The following ADCK2 variants were observed in gnomAD, a reference collection of about 807,000 sequenced individuals.
ADCK2 encodes the protein uncharacterized aarF domain-containing protein kinase 2.
A neutral mutation model predicts 52.3 loss-of-function variants in ADCK2; 37 were observed. That is an observed-to-expected ratio of 0.71 (90% CI 0.54 to 0.93). The LOEUF is 0.93. ADCK2 is among the 40% of genes least tolerant of loss of function. The pLI, the probability that ADCK2 is intolerant of heterozygous loss-of-function variation, is 0.00. For synonymous variants in ADCK2, 321 were observed against 349.2 expected (o/e 0.92, Z 0.90); for missense variants, 695 against 798.7 (o/e 0.87, Z 1.56).
chr7:140,694,097 G>A (rs1394050035), intron 7 of ADCK2, among the ~76,000 whole-genome samples: 1 of 152,130 alleles, frequency 6.6e-6, no homozygotes, highest in Non-Finnish European at 1.5e-5. Context: ...AAGGTGGGAG[G>A]ATTGCTTGGG....
At chr7:140,676,542 T>C (rs1289993362) in intron 2 of ADCK2, among the ~76,000 whole-genome samples, 1 of 152,198 alleles carries the variant, frequency 6.6e-6, no homozygotes, top group Non-Finnish European at 1.5e-5. Flanking sequence ...TGTGGTTCCA[T>C]CACTTCAAAC....
intron 4 of ADCK2, 143 bp from the exon 5 acceptor site, chr7:140,686,847 A>G (rs1794611697): frequency 9.4e-7 from 1 of 1,064,724 alleles, no homozygotes; most frequent in East Asian, 2.4e-5. Context: ...TGACATCTAA[A>G]CAAGAAGGGT....
intron 7 of ADCK2, among the ~76,000 whole-genome samples, chr7:140,691,979 G>A (rs550407570): frequency 1.2e-4 from 19 of 152,220 alleles, no homozygotes; most frequent in Non-Finnish European, 2.5e-4. Context: ...GATGGAAGAG[G>A]AGACAGAGGG....
chr7:140,673,091 A>T lies in ADCK2; in HGVS notation c.-240A>T, dbSNP rs1801657164. 1 of 253,572 alleles carries T rather than the reference A, an allele frequency of 3.9e-6. No homozygotes were observed. The highest frequency in any genetic ancestry group is 7.3e-6 in the Non-Finnish European group (1 of 136,208). 15.7% of individuals were successfully genotyped at this position (253,572 alleles called of 1,614,324 possible). A position where few individuals can be genotyped will look rare whatever the true frequency, so the allele number is the denominator to read the frequency against. ...TGGGTCCTGGCTCCTCCCGTTCCGC[A>T]GTTGGTGCCGTCTGACAGCCCCTTC... On this transcript the variant is annotated 5_prime_UTR_variant, in exon 1 of 8. Coordinates refer to ENST00000072869, the MANE Select transcript of ADCK2 (RefSeq NM_052853.4). This position sits in a 1 kb window ranked among gnomAD's most constrained non-coding sequence, Gnocchi z 6.4.
rs773237876 is a variant in ADCK2, at chr7:140,673,866, G to A, written c.536G>A (p.Trp179Ter). The change falls in exon 1 of 8, where the codon TGG becomes TAG. Residue 179 changes from tryptophan (W) to a stop codon, truncating the protein, a stop_gained. Transcript: ENST00000072869. LOFTEE classifies it high-confidence loss of function. This position sits in a 1 kb window ranked among gnomAD's most constrained non-coding sequence, Gnocchi z 6.4. Reference sequence around the variant, plus strand: ...CATGTCCGAGTGACGCCCCACCCGTGGACTCACACTGAGCGCTTCCTTCGG... The same window carrying A: ...CATGTCCGAGTGACGCCCCACCCGTAGACTCACACTGAGCGCTTCCTTCGG... ...KLHVRVTPHPWTHTERFLRQA... is the reference protein window; with the variant it reads ...KLHVRVTPHP The A allele has an allele frequency of 6.2e-7, 1 of 1,614,036 alleles. No homozygotes were observed. Among genetic ancestry groups the A allele is most frequent in the South Asian group, 1.1e-5 (1 of 91,090 alleles).
At position 140,688,431 on chromosome 7, in the gene ADCK2, T is replaced by C. The variant is rs1259120408; in HGVS notation, c.1558-1166T>C. 2.0e-5 allele frequency among the ~76,000 whole-genome samples: 3 copies of C among 151,824 alleles called. No homozygotes were observed. In the East Asian group the frequency reaches 5.8e-4, roughly 29 times the overall value. On this transcript the variant is annotated intron_variant, in intron 5 of 7. Coordinates refer to ENST00000072869, the MANE Select transcript of ADCK2 (RefSeq NM_052853.4). ...CACTTGCCAGTGTGCCAGAAACGAG[T>C]GGAGGGAGGCAGGAGGACAGGAGGC...
Position 140,674,300 on chromosome 7 carries a change from T to C in ADCK2, c.933+37T>C, listed in dbSNP as rs375058135. On this transcript the variant is annotated intron_variant, in intron 1 of 7. Coordinates refer to ENST00000072869, the MANE Select transcript of ADCK2 (RefSeq NM_052853.4). This position sits in a 1 kb window ranked among gnomAD's most constrained non-coding sequence, Gnocchi z 4.6. ...GAGAGCTCACAGCTCACCTACCCAC[T>C]GAGCTATCCCAGATCAGAAACAACC... 1.9e-6 allele frequency: 3 copies of C among 1,563,522 alleles called. No homozygotes were observed. The African/African-American group carries it at 4.1e-5, about 21-fold the overall frequency.
chr7:140,689,498 A>G, intron 5 of ADCK2, 99 bp from the exon 6 acceptor site: 1 of 1,419,216 alleles, frequency 7.0e-7, no homozygotes. Context: ...GATGCCAGAA[A>G]AGTCAGGGTG....
At chr7:140,691,766 C>A (rs1249540712) in intron 7 of ADCK2, among the ~76,000 whole-genome samples, 1 of 152,248 alleles carries the variant, frequency 6.6e-6, no homozygotes, top group African/African-American at 2.4e-5. Context: ...CTATTAGTAA[C>A]CAATTTATCC....
In ADCK2 at chr7:140,687,094, G is replaced by A. The variant is rs141388536; in HGVS notation, c.1410G>A (p.Ala470=). The A allele has an allele frequency of 1.2e-6, 2 of 1,613,922 alleles. No homozygotes were observed. Among genetic ancestry groups the A allele is most frequent in the Non-Finnish European group, 1.7e-6 (2 of 1,180,044 alleles). The change falls in exon 5 of 8, where the codon GCG becomes GCA. Residue 470 remains alanine (A), a synonymous_variant. Coordinates refer to ENST00000072869, the MANE Select transcript of ADCK2 (RefSeq NM_052853.4). The part of the protein sequence containing the change: ...SSSQEAQLQQ[A]DICDTLVVAV... ...GTCAGGAGGCGCAGCTGCAGCAGGC[G>A]GACATCTGTGACACTCTGGTGGTGG...
At chr7:140,677,189 C>G (rs1003877732) in intron 2 of ADCK2, among the ~76,000 whole-genome samples, 3 of 152,138 alleles carry the variant, frequency 2.0e-5, no homozygotes, top group African/African-American at 7.2e-5. Context: ...AGGTGGATCA[C>G]TTGAGGTCAG....
rs1794463530 is a variant in ADCK2, at chr7:140,678,624, A to G, written c.1081-531A>G. ...GGAGAGACAGGTCAGCAGCGGCACC[A>G]GCCCTGGATGCCCACAGAGGTTGAT... On this transcript the variant is annotated intron_variant, in intron 2 of 7. Coordinates refer to ENST00000072869, the MANE Select transcript of ADCK2 (RefSeq NM_052853.4). The surrounding 1 kb of genome is among the most constrained non-coding windows in gnomAD (Gnocchi z 4.9). Among the ~76,000 whole-genome samples the G allele has an allele frequency of 6.6e-6, 1 of 152,200 alleles. No individual in the cohort carries two copies. The highest frequency in any genetic ancestry group is 2.4e-5 in the African/African-American group (1 of 41,440).
In ADCK2 at chr7:140,678,994, A is replaced by C. The variant is rs577288216; in HGVS notation, c.1081-161A>C. Among the ~76,000 whole-genome samples, 145 of 152,312 alleles carry C rather than the reference A, an allele frequency of 9.5e-4. 1 individual carries two copies. Among genetic ancestry groups the C allele is most frequent in the African/African-American group, 3.2e-3 (133 of 41,570 alleles). ...ATCTGGGATTGCTGGGGCAGGCTGT[A>C]GCCCACGGATGTCGCCTCCTGAGTT... On this transcript the variant is annotated intron_variant, in intron 2 of 7. Coordinates refer to ENST00000072869, the MANE Select transcript of ADCK2 (RefSeq NM_052853.4). The surrounding 1 kb of genome is among the most constrained non-coding windows in gnomAD (Gnocchi z 4.9).
chr7:140,684,046 G>A (rs1254469415), intron 4 of ADCK2, among the ~76,000 whole-genome samples: 1 of 152,182 alleles, frequency 6.6e-6, no homozygotes, highest in Non-Finnish European at 1.5e-5. Flanking sequence ...GGACTAGAAA[G>A]AGCTACTTGG....
chr7:140,694,779 C>T lies in ADCK2; in HGVS notation c.1857C>T (p.Leu619=), dbSNP rs370459952. 1.5e-4 allele frequency: 236 copies of T among 1,613,604 alleles called. No individual in the cohort carries two copies. The highest frequency in any genetic ancestry group is 1.9e-4 in the Non-Finnish European group (229 of 1,179,820). The change falls in exon 8 of 8, where the codon CTC becomes CTT. Residue 619 remains leucine (L), a synonymous_variant. Transcript: ENST00000072869. ...TGGAGGCAGCGAGGCCCTTCCTCCT[C>T]ACGGGCCCAGTGTGCCCCCCGTGAT... ...DILEAARPFL[L]TGPVCPP
In ADCK2 at chr7:140,694,687, T is replaced by G. The variant is rs749867364; in HGVS notation, c.1765T>G (p.Ser589Ala). 11 of 1,613,934 alleles carry G rather than the reference T, an allele frequency of 6.8e-6. No homozygotes were observed. In the African/African-American group the frequency reaches 1.5e-4, roughly 22 times the overall value. Residue 589 changes from serine to alanine, a missense_variant, in exon 8 of 8, where the codon TCC (serine) becomes GCC (alanine). Ser to Ala is a moderately conservative substitution (Grantham distance 99). Coordinates refer to ENST00000072869, the MANE Select transcript of ADCK2 (RefSeq NM_052853.4). ...HKVKLESNFA[S>A]IVFAIMVLEG... ...GGTAAAGCTTGAGAGCAACTTTGCC[T>G]CCATTGTGTTTGCCATCATGGTGTT...
intron 4 of ADCK2, among the ~76,000 whole-genome samples, chr7:140,683,991 A>G (rs1444030442): frequency 4.6e-5 from 7 of 152,068 alleles, no homozygotes; most frequent in Admixed American, 4.6e-4. Flanking sequence ...GGGCCATGGG[A>G]GAGGAGGTTT....
rs545494807 is a variant in ADCK2, at chr7:140,689,401, G to A, written c.1558-196G>A. Among the ~76,000 whole-genome samples the A allele has an allele frequency of 6.6e-5, 10 of 152,278 alleles. No individual in the cohort carries two copies. In the South Asian group the frequency reaches 1.9e-3, roughly 28 times the overall value. On this transcript the variant is annotated intron_variant, in intron 5 of 7. Coordinates refer to ENST00000072869, the MANE Select transcript of ADCK2 (RefSeq NM_052853.4). The stretch of plus-strand genomic sequence containing the variant: ...CTGGGCCAAGGTTAAGCACTGAGGC[G>A]CAGTGCAGCGGGGGTGGGGGCATTC...
intron 3 of ADCK2, 28 bp downstream of exon 3, chr7:140,679,311 AC>A: frequency 6.2e-7 from 1 of 1,611,866 alleles, no homozygotes; most frequent in Non-Finnish European, 8.5e-7. Flanking sequence ...GCCTGGCCAT[AC>A]CTTTCACTTG....
Sources: allele counts gnomAD v4.1 joint callset (sites outside exome capture counted in the v4.1 genomes callset), GRCh38; gene constraint gnomAD v4.1.1; non-coding constraint Gnocchi (gnomAD v3.1); transcripts MANE v1.5; gene names NCBI Gene and HGNC (gene_info 2026-07-23, HGNC 2026-07-21).